VIPR2: variants seen among roughly 807,000 people sequenced by gnomAD.
VIPR2 encodes the protein vasoactive intestinal polypeptide receptor 2.
Under a neutral mutation model 58.0 loss-of-function variants are expected in VIPR2, and 48 were observed. The ratio of observed to expected loss-of-function variants is 0.83; its 90% CI spans 0.66 to 1.05. The LOEUF is 1.05. VIPR2 is among the 50% of genes least tolerant of loss of function. The pLI is 0.00. For missense variants in VIPR2, 534 were observed against 558.0 expected, an observed-to-expected ratio of 0.96 and a Z score of 0.43; for synonymous variants, 243 against 235.2, an observed-to-expected ratio of 1.03 and a Z score of -0.30.
chr7:159,042,885 C>T lies in VIPR2; in HGVS notation c.597+150G>A, dbSNP rs543775594. 31 of 1,158,574 alleles carry T rather than the reference C, an allele frequency of 2.7e-5. No individual in the cohort carries two copies. The East Asian group carries it at 6.9e-4, about 26-fold the overall frequency. The allele number at this position is 1,158,574 out of a possible 1,614,324, so 71.8% of individuals were successfully genotyped here. On this transcript the variant is annotated intron_variant, in intron 6 of 12. Transcript: ENST00000262178. ...GCTGCCAACTGGGCCTGTTCTGGCC[C>T]CAGCCTCTCTGCCAGGCTCTCTGTT...
intron 4 of VIPR2, among the ~76,000 whole-genome samples, chr7:159,064,613 G>C (rs1200680447): frequency 1.3e-5 from 2 of 152,122 alleles, no homozygotes; most frequent in African/African-American, 4.8e-5. Context: ...CCTGGGTTTG[G>C]GTCCTGGGTG....
At chr7:159,131,093 TA>T (rs1796892862) in intron 2 of VIPR2, among the ~76,000 whole-genome samples, 1 of 151,972 alleles carries the variant, frequency 6.6e-6, no homozygotes, top group Non-Finnish European at 1.5e-5. Context: ...AGGGGTGTGA[TA>T]GGGGAGACTC....
Position 159,109,934 on chromosome 7 carries a change from G to A in VIPR2, c.152-15C>T, listed in dbSNP as rs370307278. The A allele has an allele frequency of 4.3e-6, 7 of 1,611,278 alleles. No individual in the cohort carries two copies. Among genetic ancestry groups the A allele is most frequent in the Non-Finnish European group, 5.1e-6 (6 of 1,179,570 alleles). On this transcript the variant is annotated splice_polypyrimidine_tract_variant and intron_variant, in intron 2 of 12. Transcript: ENST00000262178. ...GCCACTGCAGGCTGGAAGGAGAGAA[G>A]CAGAGTGAGGCAGGTGCAAGGTGAC...
chr7:159,104,636 C>G (rs111757805), intron 3 of VIPR2, among the ~76,000 whole-genome samples: 1 of 140,162 alleles, frequency 7.1e-6, no homozygotes, highest in African/African-American at 2.8e-5. Context: ...TCCCTCCTCC[C>G]GACAGCACCC....
At chr7:159,092,984 A>C (rs946990142) in intron 4 of VIPR2, among the ~76,000 whole-genome samples, 2 of 152,030 alleles carry the variant, frequency 1.3e-5, no homozygotes, top group South Asian at 2.1e-4. Flanking sequence ...CACGCATGTG[A>C]GTGTGCAGCC....
At chr7:159,083,045 T>C (rs1192507591) in intron 4 of VIPR2, among the ~76,000 whole-genome samples, 2 of 152,218 alleles carry the variant, frequency 1.3e-5, no homozygotes, top group Non-Finnish European at 2.9e-5. Flanking sequence ...AGCTTCAGTG[T>C]TCTAATACTG....
chr7:159,063,910 T>A (rs1585398109), intron 4 of VIPR2, among the ~76,000 whole-genome samples: 2 of 20,942 alleles, frequency 9.6e-5, no homozygotes, highest in African/African-American at 3.9e-4. Flanking sequence ...CTGGGGTTCC[T>A]GGAGGGATGT....
At chr7:159,077,285 C>T (rs149597537) in intron 4 of VIPR2, among the ~76,000 whole-genome samples, 2,164 of 146,834 alleles carry the variant, frequency 0.015, 4 homozygotes, top group African/African-American at 0.052. Context: ...CTTTGAGGTA[C>T]TACAGTGTGC....
chr7:159,093,200 C>T lies in VIPR2; in HGVS notation c.357+10557G>A, dbSNP rs1023539108. ...TTACTGGAGGAAGGTGAGAGGTAAACGTCATTATATTTTTAAAAACACTGT... is the reference window on the plus strand; with the variant it reads ...TTACTGGAGGAAGGTGAGAGGTAAATGTCATTATATTTTTAAAAACACTGT... On this transcript the variant is annotated intron_variant, in intron 4 of 12. Transcript: ENST00000262178. The surrounding 1 kb of genome is among the most constrained non-coding windows in gnomAD (Gnocchi z 6.7). Among the ~76,000 whole-genome samples the T allele has an allele frequency of 3.9e-5, 6 of 152,136 alleles. No homozygotes were observed. Among genetic ancestry groups the T allele is most frequent in the Non-Finnish European group, 7.3e-5 (5 of 68,036 alleles).
chr7:159,065,843 G>C (rs567176441), intron 4 of VIPR2, among the ~76,000 whole-genome samples: 2 of 152,316 alleles, frequency 1.3e-5, no homozygotes, highest in South Asian at 4.1e-4. Flanking sequence ...GTCCACTACA[G>C]AGTGCTCAGG....
chr7:159,034,003 T>A (rs1380333076), intron 10 of VIPR2, among the ~76,000 whole-genome samples: 2 of 152,154 alleles, frequency 1.3e-5, no homozygotes, highest in Non-Finnish European at 2.9e-5. Flanking sequence ...AACCACCAAA[T>A]TTTGGAGTGA....
intron 4 of VIPR2, among the ~76,000 whole-genome samples, chr7:159,066,950 C>T (rs934816693): frequency 1.3e-5 from 2 of 152,226 alleles, no homozygotes; most frequent in Non-Finnish European, 2.9e-5. Context: ...AAGATCCACA[C>T]TGAGTGGAAC....
At chr7:159,064,484 G>A (rs1254516721) in intron 4 of VIPR2, among the ~76,000 whole-genome samples, 3 of 152,152 alleles carry the variant, frequency 2.0e-5, no homozygotes, top group African/African-American at 7.2e-5. Context: ...GGGTGAAAAT[G>A]GACGAGACCA....
At chr7:159,135,620 C>T (rs1046684184) in intron 2 of VIPR2, among the ~76,000 whole-genome samples, 3 of 151,728 alleles carry the variant, frequency 2.0e-5, no homozygotes, top group Non-Finnish European at 2.9e-5. Context: ...GTCAGGAGTT[C>T]GAGACCAGCC....
chr7:159,118,249 G>A (rs910069407), intron 2 of VIPR2, among the ~76,000 whole-genome samples: 1 of 152,160 alleles, frequency 6.6e-6, no homozygotes, highest in Non-Finnish European at 1.5e-5. Context: ...AATCCTCGCC[G>A]CTTCTGCCCC....
intron 4 of VIPR2, among the ~76,000 whole-genome samples, chr7:159,070,291 C>T (rs1001543269): frequency 6.6e-6 from 1 of 152,158 alleles, no homozygotes; most frequent in African/African-American, 2.4e-5. Flanking sequence ...ACTCCGCACA[C>T]GACCCAGGGC....
chr7:159,048,760 C>G (rs1854799134), intron 5 of VIPR2, among the ~76,000 whole-genome samples: 1 of 152,200 alleles, frequency 6.6e-6, no homozygotes, highest in African/African-American at 2.4e-5. Flanking sequence ...CACTGCTGAT[C>G]TCAACAGCTA....
intron 6 of VIPR2, among the ~76,000 whole-genome samples, chr7:159,037,218 G>A (rs1283893438): frequency 6.6e-5 from 10 of 152,224 alleles, no homozygotes; most frequent in Non-Finnish European, 1.5e-4. Flanking sequence ...TGGCCCTCCC[G>A]TTCTCAGCTC....
At chr7:159,075,475 T>A (rs1856588549) in intron 4 of VIPR2, among the ~76,000 whole-genome samples, 1 of 152,254 alleles carries the variant, frequency 6.6e-6, no homozygotes, top group Admixed American at 6.5e-5. Flanking sequence ...TCTCACTCAA[T>A]AAAATCTTCA....
Sources: allele counts gnomAD v4.1 joint callset (sites outside exome capture counted in the v4.1 genomes callset), GRCh38; gene constraint gnomAD v4.1.1; non-coding constraint Gnocchi (gnomAD v3.1); transcripts MANE v1.5; gene names NCBI Gene and HGNC (gene_info 2026-07-23, HGNC 2026-07-21).